The following BICD1 variants were observed in gnomAD, a reference collection of about 807,000 sequenced individuals.
BICD1 encodes BICD cargo adaptor 1, also known as protein bicaudal D homolog 1.
A neutral mutation model predicts 92.5 loss-of-function variants in BICD1; 35 were observed. The observed-to-expected ratio is 0.38, with a 90% CI of 0.29 to 0.50. The LOEUF (loss-of-function observed/expected upper bound fraction) is 0.50, where lower values mean the gene tolerates loss of function less well. Ranked by LOEUF, BICD1 falls within the 20% of genes least tolerant of loss-of-function variation. BICD1 has a pLI of 0.93. For synonymous variants in BICD1, 429 were observed against 465.1 expected, an observed-to-expected ratio of 0.92 and a Z score of 1.00; for missense variants, 950 against 1,189.8, an observed-to-expected ratio of 0.80 and a Z score of 2.97.
chr12:32,115,032 G>T lies in BICD1; in HGVS notation c.213+7488G>T, dbSNP rs907310501. 5.3e-5 allele frequency among the ~76,000 whole-genome samples: 8 copies of T among 152,014 alleles called. No individual in the cohort carries two copies. The East Asian group carries it at 1.5e-3, about 29-fold the overall frequency. On this transcript the variant is annotated intron_variant, in intron 1 of 9. Coordinates refer to ENST00000652176, the MANE Select transcript of BICD1 (RefSeq NM_001714.4). Reference sequence around the variant, plus strand: ...TTTTCCTCTTTTCTTTTGGTGGGGGGTGTGGGCGGCGGGGGAGTTTCAATA... The same window carrying T: ...TTTTCCTCTTTTCTTTTGGTGGGGGTTGTGGGCGGCGGGGGAGTTTCAATA...
rs200235275 is a variant in BICD1 at position 32,201,794 on chromosome 12, A to C, written c.214-14453A>C. 9.4e-4 allele frequency among the ~76,000 whole-genome samples: 143 copies of C among 152,256 alleles called. 1 individual carries two copies. The South Asian group carries it at 0.023, about 24-fold the overall frequency. ...TATACGTGTTTGTTTAAAAAAAAAAAACACAATCTTTGAAAAATCTGGAGA... is the reference window on the plus strand; with the variant it reads ...TATACGTGTTTGTTTAAAAAAAAAACACACAATCTTTGAAAAATCTGGAGA... On this transcript the variant is annotated intron_variant, in intron 1 of 9. Transcript: ENST00000652176.
chr12:32,288,660 G>A (rs1318323475), intron 2 of BICD1, among the ~76,000 whole-genome samples: 1 of 152,098 alleles, frequency 6.6e-6, no homozygotes, highest in African/African-American at 2.4e-5. Flanking sequence ...GAGGTCAGAA[G>A]TTCAAGACCA....
At chr12:32,252,840 G>A (rs560329028) in intron 2 of BICD1, among the ~76,000 whole-genome samples, 2 of 152,156 alleles carry the variant, frequency 1.3e-5, no homozygotes, top group East Asian at 1.9e-4. Context: ...TTTTACTATC[G>A]TTTTGTTGTT....
intron 8 of BICD1, among the ~76,000 whole-genome samples, chr12:32,355,884 G>A (rs1592714700): frequency 6.6e-6 from 1 of 152,062 alleles, no homozygotes; most frequent in African/African-American, 2.4e-5. Context: ...CTCCTTTTGG[G>A]ATGGCCAGAA....
chr12:32,252,226 T>TTA (rs1393928905), intron 2 of BICD1, among the ~76,000 whole-genome samples: 5 of 138,396 alleles, frequency 3.6e-5, no homozygotes, highest in East Asian at 2.0e-4. Context: ...CTTGTATATA[T>TTA]TATATATATA....
intron 2 of BICD1, among the ~76,000 whole-genome samples, chr12:32,219,152 A>G (rs1362972707): frequency 6.6e-6 from 1 of 152,216 alleles, no homozygotes. Context: ...AATATAGTAA[A>G]TGATCAGTTT....
intron 2 of BICD1, among the ~76,000 whole-genome samples, chr12:32,255,525 T>C (rs1166579351): frequency 6.6e-6 from 1 of 152,242 alleles, no homozygotes; most frequent in Non-Finnish European, 1.5e-5. Flanking sequence ...TTATGCCATA[T>C]TACTCACTGG....
intron 2 of BICD1, among the ~76,000 whole-genome samples, chr12:32,282,192 A>T (rs1947427302): frequency 7.1e-6 from 1 of 140,152 alleles, no homozygotes; most frequent in Admixed American, 7.6e-5. Flanking sequence ...ACCCAGCTTC[A>T]GGTCTTCTTC....
At chr12:32,111,945 C>T (rs368468652) in intron 1 of BICD1, among the ~76,000 whole-genome samples, 4 of 151,388 alleles carry the variant, frequency 2.6e-5, no homozygotes, top group Non-Finnish European at 4.4e-5. Context: ...TAAACATCAT[C>T]GCTTTCAATC....
At chr12:32,238,315 G>A (rs770121466) in intron 2 of BICD1, among the ~76,000 whole-genome samples, 7 of 152,174 alleles carry the variant, frequency 4.6e-5, no homozygotes, top group Non-Finnish European at 1.0e-4. Flanking sequence ...CTAGCATTAA[G>A]AATGAAGCTT....
At chr12:32,339,595 CCTTT>C in intron 8 of BICD1, 1 of 985,350 alleles carries the variant, frequency 1.0e-6, no homozygotes. Context: ...TTCCTTCCTT[CCTTT>C]CATTCTTTTT....
intron 8 of BICD1, among the ~76,000 whole-genome samples, chr12:32,356,483 C>G (rs1939112321): frequency 6.7e-6 from 1 of 149,142 alleles, no homozygotes; most frequent in Admixed American, 6.6e-5. Flanking sequence ...AAAACCCTGT[C>G]TCTACAAAAG....
chr12:32,364,952 T>C (rs1226440877), intron 8 of BICD1, among the ~76,000 whole-genome samples: 1 of 151,960 alleles, frequency 6.6e-6, no homozygotes, highest in African/African-American at 2.4e-5. Context: ...ACTAAATAAA[T>C]AGGCCGAGTG....
chr12:32,292,445 C>A (rs989813185), intron 2 of BICD1, among the ~76,000 whole-genome samples: 1 of 152,180 alleles, frequency 6.6e-6, no homozygotes, highest in African/African-American at 2.4e-5. Flanking sequence ...TTTGTAAAGA[C>A]CCTGGGAGTT....
At chr12:32,146,138 A>G (rs2121401295) in intron 1 of BICD1, among the ~76,000 whole-genome samples, 1 of 152,352 alleles carries the variant, frequency 6.6e-6, no homozygotes, top group Non-Finnish European at 1.5e-5. Context: ...CTTCTTCCTA[A>G]TCATACTACC....
chr12:32,194,568 C>T (rs1035607120), intron 1 of BICD1, among the ~76,000 whole-genome samples: 12 of 152,108 alleles, frequency 7.9e-5, no homozygotes, highest in African/African-American at 2.9e-4. Context: ...GAAAACAATC[C>T]TATTTACAAT....
chr12:32,361,539 C>T (rs533360253), intron 8 of BICD1, among the ~76,000 whole-genome samples: 5 of 137,278 alleles, frequency 3.6e-5, no homozygotes, highest in African/African-American at 1.1e-4. Flanking sequence ...GGCAACAGAG[C>T]GAGACTCCAT....
intron 1 of BICD1, among the ~76,000 whole-genome samples, chr12:32,189,060 A>C (rs1944495720): frequency 6.6e-6 from 1 of 152,234 alleles, no homozygotes; most frequent in African/African-American, 2.4e-5. Context: ...CCTAATTAAA[A>C]TATTTTCAAA....
intron 1 of BICD1, among the ~76,000 whole-genome samples, chr12:32,160,664 A>AT (rs1300124729): frequency 6.6e-6 from 1 of 152,216 alleles, no homozygotes; most frequent in Non-Finnish European, 1.5e-5. Flanking sequence ...GCCCCTTAAA[A>AT]TTGCTTTTCT....
Sources: allele counts gnomAD v4.1 joint callset (sites outside exome capture counted in the v4.1 genomes callset), GRCh38; gene constraint gnomAD v4.1.1; transcripts MANE v1.5; gene names NCBI Gene and HGNC (gene_info 2026-07-23, HGNC 2026-07-21).